Variants in MBD5 observed in about 807,000 individuals in gnomAD.
MBD5 encodes methyl-CpG-binding domain protein 5.
A neutral mutation model predicts 117.3 loss-of-function variants in MBD5; 13 were observed. The observed-to-expected ratio is 0.11, with a 90% confidence interval of 0.07 to 0.18. The LOEUF (loss-of-function observed/expected upper bound fraction) is 0.18, where lower values mean the gene tolerates loss of function less well. Ranked by LOEUF, MBD5 falls within the 10% of genes least tolerant of loss-of-function variation. The pLI, the probability that MBD5 is intolerant of heterozygous loss-of-function variation, is 1.00. For missense variants in MBD5, 1,879 were observed against 2,093.8 expected (o/e 0.90, Z 2.00); for synonymous variants, 727 against 766.4 (o/e 0.95, Z 0.85).
chr2:148,407,394 CTGTA>C (rs1326743071), intron 4 of MBD5, among the ~76,000 whole-genome samples: 2 of 146,868 alleles, frequency 1.4e-5, no homozygotes, highest in African/African-American at 5.0e-5. Context: ...GTCTGTGTGT[CTGTA>C]TGTATTTATG....
At chr2:148,047,466 G>T (rs1018226614) in intron 1 of MBD5, among the ~76,000 whole-genome samples, 2 of 152,120 alleles carry the variant, frequency 1.3e-5, no homozygotes, top group African/African-American at 4.8e-5. Flanking sequence ...CATCCTGCTT[G>T]GCCAGAATTA....
At chr2:148,279,782 TC>T (rs1004779102) in intron 3 of MBD5, among the ~76,000 whole-genome samples, 1 of 152,180 alleles carries the variant, frequency 6.6e-6, no homozygotes, top group African/African-American at 2.4e-5. Context: ...TTGGACTCTT[TC>T]TTTTTTAAGA....
chr2:148,316,674 C>T (rs1702164847), intron 3 of MBD5, among the ~76,000 whole-genome samples: 1 of 151,678 alleles, frequency 6.6e-6, no homozygotes, highest in African/African-American at 2.4e-5. Context: ...AGTTGATATC[C>T]AATAAATACT....
rs1701796574 is a variant in MBD5, at chr2:148,302,548, A to C, written c.-679-39666A>C. ...AGAGACTTAAACTTATATCAAGTCCATTTAATTACATATAGATGTGGGACT... is the reference window on the plus strand; with the variant it reads ...AGAGACTTAAACTTATATCAAGTCCCTTTAATTACATATAGATGTGGGACT... On this transcript the variant is annotated intron_variant, in intron 3 of 13. Transcript: ENST00000642680. Among the ~76,000 whole-genome samples the C allele has an allele frequency of 3.9e-5, 6 of 152,370 alleles. No individual in the cohort carries two copies. In the South Asian group the frequency reaches 1.0e-3, roughly 26 times the overall value.
At chr2:148,465,048 C>T (rs1452450063) in intron 7 of MBD5, among the ~76,000 whole-genome samples, 1 of 151,724 alleles carries the variant, frequency 6.6e-6, no homozygotes, top group East Asian at 1.9e-4. Context: ...TTAGTTGTTA[C>T]ATATCTTTAT....
At chr2:148,032,043 C>T (rs1694052900) in intron 1 of MBD5, among the ~76,000 whole-genome samples, 1 of 152,008 alleles carries the variant, frequency 6.6e-6, no homozygotes, top group Non-Finnish European at 1.5e-5. Context: ...TTTTTTATTT[C>T]TTCTGAAAGT....
chr2:148,083,435 A>T (rs1273932869), intron 1 of MBD5, among the ~76,000 whole-genome samples: 4 of 152,108 alleles, frequency 2.6e-5, no homozygotes, highest in Non-Finnish European at 5.9e-5. Context: ...TTCTTTGTTA[A>T]AAATGAAATT....
intron 4 of MBD5, among the ~76,000 whole-genome samples, chr2:148,403,220 C>T (rs1296889889): frequency 1.3e-5 from 2 of 151,620 alleles, no homozygotes; most frequent in Non-Finnish European, 2.9e-5. Context: ...CACTCTGTCA[C>T]CCAGGCTGGA....
chr2:148,468,586 C>G lies in MBD5; in HGVS notation c.643C>G (p.Arg215Gly), dbSNP rs777516937. 1.2e-6 allele frequency: 2 copies of G among 1,613,932 alleles called. No individual in the cohort carries two copies. Among genetic ancestry groups the G allele is most frequent in the Admixed American group, 3.3e-5 (2 of 59,980 alleles). The change falls in exon 8 of 14, where the codon CGT becomes GGT. Residue 215 changes from arginine (R) to glycine (G), a missense_variant. Physicochemically the swap from Arg to Gly is moderately radical, Grantham distance 125 (BLOSUM62 -2). Coordinates refer to ENST00000642680, the MANE Select transcript of MBD5 (RefSeq NM_001378120.1). ...SSEHGQKSPFRGSHGGLPSPA... is the reference protein window; with the variant it reads ...SSEHGQKSPFGGSHGGLPSPA... Reference sequence around the variant, plus strand: ...TGAACATGGACAGAAATCTCCATTCCGTGGCAGCCATGGAGGCCTGCCCAG... The same window carrying G: ...TGAACATGGACAGAAATCTCCATTCGGTGGCAGCCATGGAGGCCTGCCCAG...
intron 1 of MBD5, among the ~76,000 whole-genome samples, chr2:148,048,729 GAA>G (rs113052314): frequency 6.6e-5 from 10 of 152,240 alleles, no homozygotes; most frequent in African/African-American, 2.2e-4. Context: ...AAAGAGAAAA[GAA>G]TGGAGTAGAA....
Position 148,490,145 on chromosome 2 carries a change from A to T in MBD5, c.4513A>T (p.Thr1505Ser). The T allele has an allele frequency of 6.2e-7, 1 of 1,614,066 alleles. No individual in the cohort carries two copies. Among genetic ancestry groups the T allele is most frequent in the Non-Finnish European group, 8.5e-7 (1 of 1,180,014 alleles). ...TTTCAGGTATAATAACTACAAAAGA[A>T]CTATGATGAGTTTTAAGGAGAGACT... ...ENFRYNNYKR[T>S]MMSFKERLEN... is the part of the protein sequence containing the mutation. The change falls in exon 11 of 14, where the codon ACT becomes TCT. Residue 1505 changes from threonine (T) to serine (S), a missense_variant. Coordinates refer to ENST00000642680, the MANE Select transcript of MBD5 (RefSeq NM_001378120.1).
intron 2 of MBD5, among the ~76,000 whole-genome samples, chr2:148,202,431 G>A (rs570074096): frequency 8.5e-5 from 13 of 152,192 alleles, no homozygotes; most frequent in African/African-American, 3.1e-4. Context: ...TGTAAAGACT[G>A]TTGATTCAGC....
chr2:148,104,975 G>T (rs1311897875), intron 1 of MBD5, among the ~76,000 whole-genome samples: 2 of 151,980 alleles, frequency 1.3e-5, no homozygotes, highest in Admixed American at 1.3e-4. Context: ...ATCCTAAATT[G>T]TACAGCTAGT....
At chr2:148,503,627 G>C (rs914278399) in intron 12 of MBD5, among the ~76,000 whole-genome samples, 1 of 152,194 alleles carries the variant, frequency 6.6e-6, no homozygotes, top group African/African-American at 2.4e-5. Context: ...AAACTCCTAT[G>C]TCTCTATGTC....
chr2:148,263,461 C>T (rs966240127), intron 3 of MBD5, among the ~76,000 whole-genome samples: 2 of 151,986 alleles, frequency 1.3e-5, no homozygotes, highest in Non-Finnish European at 1.5e-5. Flanking sequence ...TTCCCTGTTT[C>T]CTGCTGAAAT....
chr2:148,244,823 T>C (rs1046870651), intron 3 of MBD5, among the ~76,000 whole-genome samples: 3 of 152,112 alleles, frequency 2.0e-5, no homozygotes, highest in Admixed American at 6.5e-5. Context: ...GCTTGAGATG[T>C]AGGGAGTAGT....
At chr2:148,435,269 T>C (rs1706120963) in intron 4 of MBD5, among the ~76,000 whole-genome samples, 1 of 152,154 alleles carries the variant, frequency 6.6e-6, no homozygotes, top group South Asian at 2.1e-4. Flanking sequence ...ACATTCATAG[T>C]TAGGATCAAA....
At chr2:148,048,651 C>T (rs1325052767) in intron 1 of MBD5, among the ~76,000 whole-genome samples, 1 of 151,866 alleles carries the variant, frequency 6.6e-6, no homozygotes, top group Non-Finnish European at 1.5e-5. Context: ...TGAGGAAGAA[C>T]ATATTCAAAA....
intron 1 of MBD5, among the ~76,000 whole-genome samples, chr2:148,142,810 A>G (rs1697350995): frequency 6.6e-6 from 1 of 152,214 alleles, no homozygotes. Context: ...ATTGATACCC[A>G]GATAGCAGTG....
Sources: gnomAD v4.1 joint callset for allele counts (sites outside exome capture counted in the v4.1 genomes callset) on GRCh38, gnomAD v4.1.1 for gene constraint, MANE v1.5 for transcripts, NCBI Gene and HGNC (gene_info 2026-07-23, HGNC 2026-07-21) for gene names.